DHX30: variants seen among roughly 807,000 people sequenced by gnomAD.
DHX30 encodes the protein DExH-box helicase 30, also known as ATP-dependent RNA helicase DHX30.
DHX30 carries 4 observed loss-of-function variants against 116.9 expected under a neutral mutation model. The observed-to-expected ratio is 0.03, with a 90% CI of 0.02 to 0.08. The LOEUF is 0.08. DHX30 is among the 10% of genes least tolerant of loss of function. DHX30 has a pLI of 1.00. For missense variants in DHX30, 871 were observed against 1,595.1 expected, an observed-to-expected ratio of 0.55 and a Z score of 7.73; for synonymous variants, 697 against 651.7, an observed-to-expected ratio of 1.07 and a Z score of -1.06.
At chr3:47,815,374 A>G (rs1263583947) in intron 3 of DHX30, among the ~76,000 whole-genome samples, 1 of 152,164 alleles carries the variant, frequency 6.6e-6, no homozygotes, top group Non-Finnish European at 1.5e-5. Context: ...AGGTTGCATG[A>G]TTGAGCACCT....
At chr3:47,807,378 G>A (rs114194577) in intron 2 of DHX30, among the ~76,000 whole-genome samples, 135 of 151,830 alleles carry the variant, frequency 8.9e-4, no homozygotes, top group African/African-American at 3.2e-3. Context: ...AGCCTAAATT[G>A]ACATATTGGG....
intron 4 of DHX30, among the ~76,000 whole-genome samples, chr3:47,820,409 C>T (rs2036246499): frequency 6.6e-6 from 1 of 152,162 alleles, no homozygotes; most frequent in Non-Finnish European, 1.5e-5. Flanking sequence ...GCTCCTGTAG[C>T]TCCTCTTACC....
At chr3:47,808,220 T>G (rs940384221) in intron 2 of DHX30, among the ~76,000 whole-genome samples, 1 of 148,982 alleles carries the variant, frequency 6.7e-6, no homozygotes, top group African/African-American at 2.5e-5. Flanking sequence ...TACTTTTTGT[T>G]TTTTTTTTTT....
At chr3:47,826,444 C>CTTTT (rs978485673) in intron 4 of DHX30, among the ~76,000 whole-genome samples, 4 of 133,960 alleles carry the variant, frequency 3.0e-5, no homozygotes, top group Non-Finnish European at 4.9e-5. Flanking sequence ...GGTTTTCTTT[C>CTTTT]TTTTTTTTTT....
rs2036469439 is a variant in DHX30 at position 47,824,819 on chromosome 3, T to C, written c.125-2528T>C. ...CACACGACTGCTGGTTTAGATTTGC[T>C]GGAGAGTGAGCTCTGCAGGGTCCTA... is the stretch of plus-strand genomic sequence containing the variant. On this transcript the variant is annotated intron_variant, in intron 4 of 21. Transcript: ENST00000445061. The C allele has an allele frequency of 7.2e-6, 3 of 414,968 alleles. No individual in the cohort carries two copies. The East Asian group carries it at 1.1e-4, about 16-fold the overall frequency. 25.7% of individuals were successfully genotyped at this position (414,968 alleles called of 1,614,324 possible).
At chr3:47,810,357 G>A (rs2035738296) in intron 2 of DHX30, among the ~76,000 whole-genome samples, 1 of 152,188 alleles carries the variant, frequency 6.6e-6, no homozygotes, top group Non-Finnish European at 1.5e-5. Flanking sequence ...TAAGTATTAT[G>A]ATGAACTAGA....
At chr3:47,831,583 C>T (rs2036850564) in intron 6 of DHX30, among the ~76,000 whole-genome samples, 1 of 151,972 alleles carries the variant, frequency 6.6e-6, no homozygotes, top group Non-Finnish European at 1.5e-5. Context: ...GATTTTTTCC[C>T]TTGGCTCTGA....
At chr3:47,845,980 G>T in intron 10 of DHX30, 128 bp downstream of exon 10, 1 of 1,468,810 alleles carries the variant, frequency 6.8e-7, no homozygotes. Context: ...TGGGGCCTGG[G>T]ATCCCCCTGG....
Position 47,810,657 on chromosome 3 carries a change from G to A in DHX30, c.-27G>A. 6.2e-7 allele frequency: 1 copy of A among 1,613,810 alleles called. No individual in the cohort carries two copies. The highest frequency in any genetic ancestry group is 1.1e-5 in the South Asian group (1 of 91,072). On this transcript the variant is annotated splice_region_variant and 5_prime_UTR_variant, in exon 3 of 22. Transcript: ENST00000445061. The stretch of plus-strand genomic sequence containing the variant: ...GCCTCTTGGCCCTCCTTGTTCTCAG[G>A]ATTCCAGCTTTCCCTCCTGGCCAGA...
At chr3:47,828,732 C>CAA (rs71625838) in intron 5 of DHX30, among the ~76,000 whole-genome samples, 6,998 of 150,742 alleles carry the variant, frequency 0.046, 215 homozygotes, top group Non-Finnish European at 0.072. Flanking sequence ...GACTCTGTCT[C>CAA]AAAAAAAAAG....
chr3:47,815,865 T>C (rs865880629), intron 3 of DHX30: 14 of 934,240 alleles, frequency 1.5e-5, no homozygotes, highest in Middle Eastern at 5.4e-4. Flanking sequence ...AGTGAAGTTA[T>C]GGGATTGTAA....
At chr3:47,843,701 C>T (rs893844621) in intron 9 of DHX30, among the ~76,000 whole-genome samples, 1 of 152,086 alleles carries the variant, frequency 6.6e-6, no homozygotes, top group Non-Finnish European at 1.5e-5. Context: ...TGGCAGACAG[C>T]TGGCAGTTCT....
intron 6 of DHX30, among the ~76,000 whole-genome samples, chr3:47,830,520 C>CT (rs1184929401): frequency 6.6e-6 from 1 of 152,050 alleles, no homozygotes; most frequent in African/African-American, 2.4e-5. Flanking sequence ...AGGCTGGTCT[C>CT]TAACTCCTGG....
chr3:47,823,996 CTTTTTTT>C (rs759550719), intron 4 of DHX30, among the ~76,000 whole-genome samples: 359 of 100,370 alleles, frequency 3.6e-3, no homozygotes, highest in African/African-American at 8.1e-3. Context: ...TTTTCTTTTC[CTTTTTTT>C]TTTTTTTTTT....
Position 47,846,973 on chromosome 3 carries a change from A to G in DHX30, c.1901A>G (p.Gln634Arg). 6.2e-7 allele frequency: 1 copy of G among 1,613,126 alleles called. No homozygotes were observed. The highest frequency in any genetic ancestry group is 8.5e-7 in the Non-Finnish European group (1 of 1,179,810). ...ATCCTGGCCAAGTTGGGCAAGCACC[A>G]GTACCTGCACCGGCACCGGCACCAT... is the stretch of plus-strand genomic sequence containing the variant. Reference protein sequence around the residue: ...EDILAKLGKHQYLHRHRHHES... With the variant: ...EDILAKLGKHRYLHRHRHHES... The change falls in exon 11 of 22, where the codon CAG becomes CGG. Residue 634 changes from glutamine to arginine, a missense_variant. This residue lies in a region of DHX30 where 61 missense variants were observed against 106.7 expected (regional missense o/e 0.57). Coordinates refer to ENST00000445061, the MANE Select transcript of DHX30 (RefSeq NM_138615.3).
intron 8 of DHX30, 101 bp from the exon 9 acceptor site, chr3:47,843,005 G>C: frequency 1.4e-6 from 2 of 1,436,078 alleles, no homozygotes; most frequent in Non-Finnish European, 1.9e-6. Flanking sequence ...TGCTGAGATG[G>C]TGGCTCATTC....
chr3:47,842,821 T>C (rs2037441633), intron 8 of DHX30: 1 of 322,326 alleles, frequency 3.1e-6, no homozygotes, highest in Admixed American at 4.5e-5. Context: ...TGCCACGATG[T>C]TGCCGAGATG....
At position 47,850,147 on chromosome 3, in the gene DHX30, A is replaced by G; in HGVS notation, c.*27A>G. ...CCCTGCTTCTGCTGGGGCTGTGTACAGAGTGCAAATGTTTATTTAAAATAA... is the reference window on the plus strand; with the variant it reads ...CCCTGCTTCTGCTGGGGCTGTGTACGGAGTGCAAATGTTTATTTAAAATAA... On this transcript the variant is annotated 3_prime_UTR_variant, in exon 22 of 22. Coordinates refer to ENST00000445061, the MANE Select transcript of DHX30 (RefSeq NM_138615.3). 1.3e-6 allele frequency: 2 copies of G among 1,557,838 alleles called. No individual in the cohort carries two copies. Among genetic ancestry groups the G allele is most frequent in the Non-Finnish European group, 8.7e-7 (1 of 1,154,124 alleles).
Position 47,812,765 on chromosome 3 carries a change from G to T in DHX30, c.28+2054G>T, listed in dbSNP as rs1025090379. ...TGCAACCTCTGCCTCCCGGGTTCAA[G>T]CAATTCTCCTGCCTCAGCCTCCCGA... On this transcript the variant is annotated intron_variant, in intron 3 of 21. Coordinates refer to ENST00000445061, the MANE Select transcript of DHX30 (RefSeq NM_138615.3). Among the ~76,000 whole-genome samples, 4 of 148,344 alleles carry T rather than the reference G, an allele frequency of 2.7e-5. No individual in the cohort carries two copies. The Admixed American group carries it at 2.7e-4, about 10-fold the overall frequency.
Sources: gnomAD v4.1 joint callset for allele counts (sites outside exome capture counted in the v4.1 genomes callset) on GRCh38, gnomAD v4.1.1 for gene constraint, gnomAD v4.1.1 regional missense constraint, MANE v1.5 for transcripts, NCBI Gene and HGNC (gene_info 2026-07-23, HGNC 2026-07-21) for gene names.